The following PLCG2 variants were observed in gnomAD, a reference collection of about 807,000 sequenced individuals.
The protein encoded by PLCG2 is 1-phosphatidylinositol 4,5-bisphosphate phosphodiesterase gamma-2.
In PLCG2, 69 loss-of-function variants were observed where a neutral mutation model predicts 175.6. That is an observed-to-expected ratio of 0.39 (90% CI 0.32 to 0.48). The LOEUF is 0.48. Among genes scored for constraint, PLCG2 ranks in the 20% least tolerant of loss-of-function variants. The pLI, the probability that PLCG2 is intolerant of heterozygous loss-of-function variation, is 0.91. For missense variants in PLCG2, 1,798 were observed against 1,650.9 expected (o/e 1.09, Z -1.54); for synonymous variants, 827 against 624.0 (o/e 1.33, Z -4.85).
intron 2 of PLCG2, among the ~76,000 whole-genome samples, chr16:81,853,674 T>C (rs892231565): frequency 6.6e-6 from 1 of 152,158 alleles, no homozygotes; most frequent in African/African-American, 2.4e-5. Flanking sequence ...TACCAGTCCA[T>C]GGCCTGGGGG....
At chr16:81,743,154 A>G (rs527357232) in intron 1 of PLCG2, among the ~76,000 whole-genome samples, 1 of 152,256 alleles carries the variant, frequency 6.6e-6, no homozygotes, top group African/African-American at 2.4e-5. Flanking sequence ...AAGAAAAGAC[A>G]GAAAAGGAAA....
chr16:81,781,380 G>T (rs2143152971), intron 1 of PLCG2, among the ~76,000 whole-genome samples: 1 of 122,936 alleles, frequency 8.1e-6, no homozygotes, highest in Middle Eastern at 4.2e-3. Flanking sequence ...ATTTATCCAG[G>T]AGGCCCCCCA....
chr16:81,831,700 G>A (rs556985296), intron 2 of PLCG2, among the ~76,000 whole-genome samples: 2 of 152,296 alleles, frequency 1.3e-5, no homozygotes, highest in Admixed American at 6.5e-5. Flanking sequence ...GGGGAACTTA[G>A]GCCAGAAGTG....
chr16:81,948,700 G>C (rs1489110388), intron 31 of PLCG2, among the ~76,000 whole-genome samples: 1 of 152,110 alleles, frequency 6.6e-6, no homozygotes, highest in Non-Finnish European at 1.5e-5. Context: ...AGACCTGGAG[G>C]GACACAAAGG....
At chr16:81,764,296 CAAAATAAA>C (rs890313859) in intron 2 of PLCG2, among the ~76,000 whole-genome samples, 1 of 151,780 alleles carries the variant, frequency 6.6e-6, no homozygotes, top group Non-Finnish European at 1.5e-5. Context: ...GATCCTGTCT[CAAAATAAA>C]TAAATAAATA....
intron 3 of PLCG2, among the ~76,000 whole-genome samples, chr16:81,856,768 A>G (rs1191629612): frequency 1.3e-5 from 2 of 152,190 alleles, no homozygotes; most frequent in Non-Finnish European, 2.9e-5. Context: ...TCTATGGAAA[A>G]GGAGACTTGG....
intron 23 of PLCG2, 137 bp from the exon 24 acceptor site, chr16:81,928,421 G>A (rs577032981): frequency 1.5e-6 from 1 of 647,438 alleles, no homozygotes; most frequent in Admixed American, 2.2e-5. Flanking sequence ...CTCTCCCCAT[G>A]GACGTATCTG....
At position 81,743,849 on chromosome 16, in the gene PLCG2, C is replaced by T. The variant is rs560981469; in HGVS notation, c.-145+4464C>T. On this transcript the variant is annotated intron_variant, in intron 1 of 5. Coordinates refer to the PLCG2 transcript ENST00000565054. Reference sequence around the variant, plus strand: ...TTTCAGTTACATGAGGGGATAACCTCCTTTTTTTTCTTTTTCTTTTTTTTT... The same window carrying T: ...TTTCAGTTACATGAGGGGATAACCTTCTTTTTTTTCTTTTTCTTTTTTTTT... Among the ~76,000 whole-genome samples the T allele has an allele frequency of 2.7e-4, 40 of 148,280 alleles. 1 individual carries two copies. In the South Asian group the frequency reaches 8.3e-3, roughly 31 times the overall value.
intron 5 of PLCG2, among the ~76,000 whole-genome samples, chr16:81,860,342 T>G (rs1393928464): frequency 2.6e-5 from 4 of 152,132 alleles, no homozygotes; most frequent in Non-Finnish European, 4.4e-5. Flanking sequence ...TGATTAATGC[T>G]GCTGTGGAAA....
At chr16:81,908,272 A>T in intron 16 of PLCG2, 144 bp from the exon 17 acceptor site, 2 of 701,046 alleles carry the variant, frequency 2.9e-6, no homozygotes, top group South Asian at 3.8e-5. Flanking sequence ...CTGTTTTCCC[A>T]TACCCCTTCG....
At position 81,951,293 on chromosome 16, in the gene PLCG2, C is replaced by G. The variant is rs144127471; in HGVS notation, c.3570+5030C>G. Among the ~76,000 whole-genome samples, 363 of 152,092 alleles carry G rather than the reference C, an allele frequency of 2.4e-3. 4 individuals are homozygous for G. Among genetic ancestry groups the G allele is most frequent in the African/African-American group, 8.3e-3 (343 of 41,472 alleles). ...AAAGACCAGTTAAACTCTTTGCCTA[C>G]TTAATAAAAGAATAAAGAGGAAAAA... On this transcript the variant is annotated intron_variant, in intron 31 of 32. Transcript: ENST00000564138.
intron 5 of PLCG2, among the ~76,000 whole-genome samples, chr16:81,864,103 C>G (rs368767352): frequency 6.6e-6 from 1 of 152,132 alleles, no homozygotes; most frequent in Admixed American, 6.5e-5. Context: ...GGGCAATTTT[C>G]AAATCTGAGC....
At chr16:81,793,856 G>A (rs911683827) in intron 2 of PLCG2, among the ~76,000 whole-genome samples, 5 of 152,200 alleles carry the variant, frequency 3.3e-5, no homozygotes, top group African/African-American at 1.2e-4. Context: ...ACATGCCCAA[G>A]TTAAGGAAAG....
intron 31 of PLCG2, among the ~76,000 whole-genome samples, chr16:81,950,605 G>A (rs1025218603): frequency 1.3e-5 from 2 of 152,112 alleles, no homozygotes; most frequent in Non-Finnish European, 2.9e-5. Context: ...TCATAAATTT[G>A]ATTGCATTCG....
At chr16:81,762,062 T>A (rs567152903) in intron 2 of PLCG2, among the ~76,000 whole-genome samples, 2 of 152,072 alleles carry the variant, frequency 1.3e-5, no homozygotes, top group South Asian at 4.2e-4. Flanking sequence ...CTGGAACTCC[T>A]GACCTCAGGT....
Position 81,762,950 on chromosome 16 carries a change from A to G in PLCG2, c.-48+6984A>G, listed in dbSNP as rs147564008. 1.4e-4 allele frequency among the ~76,000 whole-genome samples: 22 copies of G among 152,216 alleles called. No individual in the cohort carries two copies. In the East Asian group the frequency reaches 3.9e-3, roughly 27 times the overall value. ...CACATGCCTGTAGTCCCAGCTACTC[A>G]GGAGACTGAGGCAGGAGGATCCCTT... On this transcript the variant is annotated intron_variant, in intron 2 of 5. Coordinates refer to the PLCG2 transcript ENST00000565054.
chr16:81,912,763 A>G, intron 19 of PLCG2, 47 bp downstream of exon 19: 12 of 1,526,916 alleles, frequency 7.9e-6, no homozygotes, highest in South Asian at 2.6e-5. Context: ...GGGCTTGGCA[A>G]GGACAGATGC....
intron 22 of PLCG2, among the ~76,000 whole-genome samples, chr16:81,925,268 A>G (rs773168744): frequency 1.1e-4 from 17 of 152,132 alleles, no homozygotes; most frequent in Non-Finnish European, 2.1e-4. Flanking sequence ...CGCCTGGGTG[A>G]AACCGGCTTT....
intron 2 of PLCG2, among the ~76,000 whole-genome samples, chr16:81,803,596 CT>C (rs1567472306): frequency 3.5e-5 from 3 of 86,260 alleles, no homozygotes; most frequent in East Asian, 3.1e-4. Flanking sequence ...CTTTTCTTTT[CT>C]CCTTTTCTTT....
Sources: gnomAD v4.1 joint callset for allele counts (sites outside exome capture counted in the v4.1 genomes callset) on GRCh38, gnomAD v4.1.1 for gene constraint, MANE v1.5 for transcripts, NCBI Gene and HGNC (gene_info 2026-07-23, HGNC 2026-07-21) for gene names.